Variants in IL16 observed in about 807,000 individuals in gnomAD.
IL16 encodes the protein interleukin 16.
Under a neutral mutation model 110.1 loss-of-function variants are expected in IL16, and 67 were observed. That is an observed-to-expected ratio of 0.61 (90% CI 0.50 to 0.75). The LOEUF (loss-of-function observed/expected upper bound fraction) is 0.75, where lower values mean the gene tolerates loss of function less well. Ranked by LOEUF, IL16 falls within the 30% of genes least tolerant of loss-of-function variation. The pLI is 0.00. For missense variants in IL16, 1,545 were observed against 1,655.0 expected (o/e 0.93, Z 1.15); for synonymous variants, 689 against 662.9 (o/e 1.04, Z -0.61).
rs558248563 is a variant in IL16, at chr15:81,301,405, G to T, written c.3211G>T (p.Asp1071Tyr). ...LTEAKEDDDG[D>Y]HSSLQSGQSV... Reference sequence around the variant, plus strand: ...GGAAGCCAAGGAAGACGATGATGGGGACCACAGTTCCCTTCAGTCTGGTCA... The same window carrying T: ...GGAAGCCAAGGAAGACGATGATGGGTACCACAGTTCCCTTCAGTCTGGTCA... The change falls in exon 15 of 19, where the codon GAC becomes TAC. Residue 1071 changes from aspartate to tyrosine, a missense_variant. Transcript: ENST00000683961. 2.5e-6 allele frequency: 4 copies of T among 1,613,540 alleles called. No individual in the cohort carries two copies. The African/African-American group carries it at 5.3e-5, about 22-fold the overall frequency.
At chr15:81,306,382 G>C (rs1182803182) in intron 17 of IL16, 38 bp from the exon 18 acceptor site, 1 of 1,609,872 alleles carries the variant, frequency 6.2e-7, no homozygotes, top group South Asian at 1.1e-5. Flanking sequence ...GCCTGGGAGA[G>C]GAGAGGATCC....
rs1173632467 is a variant in IL16 at position 81,225,554 on chromosome 15, G to T, written c.155G>T (p.Gly52Val). 1 of 1,614,114 alleles carries T rather than the reference G, an allele frequency of 6.2e-7. No homozygotes were observed. The highest frequency in any genetic ancestry group is 2.2e-5 in the East Asian group (1 of 44,876). ...CCCTTTGAGATTTCCTTGGCCCAGG[G>T]CAAGGAGGGAATTTTCCACTCATCT... ...PDPFEISLAQ[G>V]KEGIFHSSVQ... Residue 52 changes from glycine to valine, a missense_variant, in exon 2 of 19, where the codon GGC becomes GTC. Gly to Val is a moderately radical substitution (Grantham distance 109). This residue lies in a region of IL16 where 1,185 missense variants were observed against 1,238.8 expected (regional missense o/e 0.96). Transcript: ENST00000683961.
intron 2 of IL16, among the ~76,000 whole-genome samples, chr15:81,242,640 A>G (rs560100856): frequency 6.6e-6 from 1 of 152,316 alleles, no homozygotes; most frequent in Non-Finnish European, 1.5e-5. Flanking sequence ...TTCTGTGTAG[A>G]CAACAACATC....
In IL16 at chr15:81,197,002, A is replaced by G. The variant is rs1372002440; in HGVS notation, c.-252A>G. 8.2e-5 allele frequency: 105 copies of G among 1,284,262 alleles called. No homozygotes were observed. Among genetic ancestry groups the G allele is most frequent in the Non-Finnish European group, 1.0e-4 (101 of 987,382 alleles). 79.6% of individuals were successfully genotyped at this position (1,284,262 alleles called of 1,614,324 possible). On this transcript the variant is annotated 5_prime_UTR_variant, in exon 1 of 19. Transcript: ENST00000683961. ...GCCTCCGTCTGAGAACTGAGCGTCC[A>G]TTTCTCAATCCTTGCCGGCTCTGAC...
chr15:81,273,064 A>G (rs201822170), intron 5 of IL16, 26 bp from the exon 6 acceptor site: 5 of 1,579,840 alleles, frequency 3.2e-6, no homozygotes, highest in South Asian at 2.2e-5. Context: ...CTACCCCTAA[A>G]TCAGACCTTC....
intron 1 of IL16, among the ~76,000 whole-genome samples, chr15:81,184,322 A>G (rs755730348): frequency 6.6e-6 from 1 of 152,174 alleles, no homozygotes; most frequent in African/African-American, 2.4e-5. Flanking sequence ...ATTTGCGCAT[A>G]GGAAGTTCAT....
At chr15:81,265,923 A>G (rs1898362572) in intron 4 of IL16, 122 bp downstream of exon 4, 1 of 883,156 alleles carries the variant, frequency 1.1e-6, no homozygotes, top group African/African-American at 1.7e-5. Flanking sequence ...ACTACAGAGG[A>G]GAGGGTCTCG....
rs555966472 is a variant in IL16 at position 81,248,866 on chromosome 15, G to A, written c.313-10906G>A. Among the ~76,000 whole-genome samples the A allele has an allele frequency of 4.0e-5, 6 of 151,358 alleles. No homozygotes were observed. The South Asian group carries it at 8.4e-4, about 21-fold the overall frequency. On this transcript the variant is annotated intron_variant, in intron 2 of 18. Transcript: ENST00000683961. ...CTCCCAAGTGGCTGGGATTACAGGC[G>A]CCCACCACCACACCTTGCTAATTTT... is the stretch of plus-strand genomic sequence containing the variant.
chr15:81,274,399 C>T (rs960153361), intron 6 of IL16, among the ~76,000 whole-genome samples: 2 of 152,220 alleles, frequency 1.3e-5, no homozygotes, highest in African/African-American at 4.8e-5. Context: ...CGCTCATCCA[C>T]GTACCTGTCA....
At chr15:81,193,653 A>G (rs1245742027), upstream of IL16, among the ~76,000 whole-genome samples, 1 of 152,178 alleles carries the variant, frequency 6.6e-6, no homozygotes, top group Non-Finnish European at 1.5e-5. Flanking sequence ...TTGAATCTAT[A>G]TGTTGCTGTG....
intron 1 of IL16, among the ~76,000 whole-genome samples, chr15:81,204,402 G>A (rs1211765835): frequency 1.6e-4 from 25 of 152,182 alleles, no homozygotes; most frequent in Admixed American, 5.9e-4. Flanking sequence ...TCTTGTGCCC[G>A]TTTTCAAAGG....
chr15:81,290,586 A>AG, intron 11 of IL16, 46 bp downstream of exon 11: 1 of 1,329,174 alleles, frequency 7.5e-7, no homozygotes, highest in South Asian at 1.2e-5. Flanking sequence ...TTGCCTTCTT[A>AG]GAAAGCTTAG....
chr15:81,220,355 A>G (rs1316889833), intron 1 of IL16, among the ~76,000 whole-genome samples: 1 of 152,068 alleles, frequency 6.6e-6, no homozygotes, highest in East Asian at 1.9e-4. Context: ...GGGTTTCACC[A>G]GGCTGCCCAG....
intron 2 of IL16, among the ~76,000 whole-genome samples, chr15:81,249,230 CAT>C (rs1273383505): frequency 1.3e-5 from 2 of 152,134 alleles, no homozygotes; most frequent in African/African-American, 4.8e-5. Context: ...AAAACCATAA[CAT>C]ATTATTATTA....
intron 2 of IL16, among the ~76,000 whole-genome samples, chr15:81,247,075 C>T (rs9806720): frequency 0.38 from 41,066 of 107,634 alleles, 6,977 homozygotes; most frequent in South Asian, 0.48. Context: ...CTTTTCTTTT[C>T]CTTTTTTTTT....
chr15:81,228,655 T>C (rs1310306915), intron 2 of IL16, among the ~76,000 whole-genome samples: 1 of 152,140 alleles, frequency 6.6e-6, no homozygotes, highest in Non-Finnish European at 1.5e-5. Flanking sequence ...ACAACTCTTA[T>C]CTCATTGTCT....
chr15:81,272,990 A>G (rs1567029577), intron 5 of IL16, 100 bp from the exon 6 acceptor site: 2 of 835,028 alleles, frequency 2.4e-6, no homozygotes, highest in Non-Finnish European at 4.0e-6. Flanking sequence ...CTCCTTCCCA[A>G]TCCCTTTGTT....
chr15:81,251,589 CAGTT>C (rs1366944615), intron 2 of IL16, among the ~76,000 whole-genome samples: 1 of 152,114 alleles, frequency 6.6e-6, no homozygotes, highest in Non-Finnish European at 1.5e-5. Flanking sequence ...GCACCTTGTC[CAGTT>C]AGTTTCTATA....
At chr15:81,227,958 G>A (rs1215290436) in intron 2 of IL16, among the ~76,000 whole-genome samples, 1 of 152,136 alleles carries the variant, frequency 6.6e-6, no homozygotes, top group African/African-American at 2.4e-5. Flanking sequence ...GGGGTAGTAG[G>A]GGAAGGAGGT....
Sources: gnomAD v4.1 joint callset for allele counts (sites outside exome capture counted in the v4.1 genomes callset) on GRCh38, gnomAD v4.1.1 for gene constraint, gnomAD v4.1.1 regional missense constraint, MANE v1.5 for transcripts, NCBI Gene and HGNC (gene_info 2026-07-23, HGNC 2026-07-21) for gene names.